Variants in PAK5 observed in about 807,000 individuals in gnomAD.
PAK5 encodes p21 (RAC1) activated kinase 5, also known as serine/threonine-protein kinase PAK 5.
Under a neutral mutation model 65.9 loss-of-function variants are expected in PAK5, and 16 were observed. The observed-to-expected ratio is 0.24, with a 90% confidence interval of 0.16 to 0.37. The LOEUF (loss-of-function observed/expected upper bound fraction) is 0.37, where lower values mean the gene tolerates loss of function less well. PAK5 is among the 10% of genes least tolerant of loss of function. The probability of loss-of-function intolerance (pLI) is 1.00; values close to 1 mark genes in which losing one functional copy is unlikely to be tolerated. For synonymous variants in PAK5, 371 were observed against 354.9 expected, an observed-to-expected ratio of 1.05 and a Z score of -0.51; for missense variants, 785 against 903.9, an observed-to-expected ratio of 0.87 and a Z score of 1.69.
intron 3 of PAK5, among the ~76,000 whole-genome samples, chr20:9,612,028 A>T (rs913100048): frequency 2.0e-5 from 3 of 152,146 alleles, no homozygotes; most frequent in Non-Finnish European, 4.4e-5. Context: ...CTTTGCAGGC[A>T]AAACAATGTC....
intron 3 of PAK5, among the ~76,000 whole-genome samples, chr20:9,624,032 TC>T (rs1187770611): frequency 6.6e-6 from 1 of 152,172 alleles, no homozygotes; most frequent in Non-Finnish European, 1.5e-5. Context: ...GATCCAACAA[TC>T]CCACTTTAGG....
At chr20:9,778,644 T>C (rs781599159) in intron 1 of PAK5, among the ~76,000 whole-genome samples, 9 of 152,180 alleles carry the variant, frequency 5.9e-5, no homozygotes, top group Non-Finnish European at 1.2e-4. Flanking sequence ...ACCCTCTCCA[T>C]AGTAATTGGA....
At chr20:9,673,334 T>C (rs1353143102) in intron 2 of PAK5, among the ~76,000 whole-genome samples, 1 of 152,152 alleles carries the variant, frequency 6.6e-6, no homozygotes, top group African/African-American at 2.4e-5. Context: ...AAAGCAATAA[T>C]ACTTTTAAAT....
chr20:9,667,401 A>T (rs1005762092), intron 2 of PAK5, among the ~76,000 whole-genome samples: 2 of 100,948 alleles, frequency 2.0e-5, no homozygotes, highest in African/African-American at 9.3e-5. Flanking sequence ...TCCATTCACT[A>T]TCTCCTGGAG....
chr20:9,677,374 G>T (rs2047589248), intron 2 of PAK5, among the ~76,000 whole-genome samples: 1 of 152,150 alleles, frequency 6.6e-6, no homozygotes, highest in Non-Finnish European at 1.5e-5. Context: ...GCTCAGGCTT[G>T]TAGACTCTCA....
rs754435525 is a variant in PAK5 at position 9,665,085 on chromosome 20, G to GTTTTTTTTTTTTTTTTTTTT, written c.-11-20747_-11-20746insAAAAAAAAAAAAAAAAAAAA. Among the ~76,000 whole-genome samples the GTTTTTTTTTTTTTTTTTTTT allele has an allele frequency of 2.1e-3, 208 of 98,876 alleles. 26 individuals carry two copies. The highest frequency in any genetic ancestry group is 7.2e-3 in the Middle Eastern group (1 of 138). The allele number at this position is 98,876 out of a possible 152,430, so 64.9% of individuals were successfully genotyped here. ...CCACCATGCCCAGCTAAATTTTTCT[G>GTTTTTTTTTTTTTTTTTTTT]TTTTTTTTTTTTTTTGTAGTGATGA... is the stretch of plus-strand genomic sequence containing the variant. On this transcript the variant is annotated intron_variant, in intron 2 of 9. Coordinates refer to ENST00000353224, the MANE Select transcript of PAK5 (RefSeq NM_177990.4).
At chr20:9,601,701 A>C (rs1254992442) in intron 3 of PAK5, among the ~76,000 whole-genome samples, 1 of 152,126 alleles carries the variant, frequency 6.6e-6, no homozygotes, top group African/African-American at 2.4e-5. Context: ...TGGCCACTGG[A>C]ATGTTGGTGA....
chr20:9,761,081 A>C (rs1600338802), intron 1 of PAK5, among the ~76,000 whole-genome samples: 1 of 152,208 alleles, frequency 6.6e-6, no homozygotes, highest in Non-Finnish European at 1.5e-5. Context: ...AGAGTAGACA[A>C]ATATGTTTGA....
At chr20:9,579,755 G>A (rs1261315208) in intron 4 of PAK5, among the ~76,000 whole-genome samples, 1 of 152,172 alleles carries the variant, frequency 6.6e-6, no homozygotes, top group East Asian at 1.9e-4. Flanking sequence ...TTGCCAGGAT[G>A]TAGGAACCAC....
intron 3 of PAK5, among the ~76,000 whole-genome samples, chr20:9,643,797 T>C (rs2047098571): frequency 6.6e-6 from 1 of 152,180 alleles, no homozygotes; most frequent in African/African-American, 2.4e-5. Flanking sequence ...CTATTGCTAA[T>C]ATTAACCAGA....
intron 1 of PAK5, among the ~76,000 whole-genome samples, chr20:9,755,493 G>A (rs979721475): frequency 1.3e-5 from 2 of 152,148 alleles, no homozygotes; most frequent in Non-Finnish European, 2.9e-5. Context: ...CTGCCCTGCT[G>A]GCAGCTAGTT....
In PAK5 at chr20:9,537,458, T is replaced by C; in HGVS notation, c.*2004A>G. 4.8e-6 allele frequency: 1 copy of C among 209,866 alleles called. No individual in the cohort carries two copies. Among genetic ancestry groups the C allele is most frequent in the Non-Finnish European group, 9.7e-6 (1 of 102,948 alleles). 13.0% of individuals were successfully genotyped at this position (209,866 alleles called of 1,614,324 possible). On this transcript the variant is annotated 3_prime_UTR_variant, in exon 10 of 10. Transcript: ENST00000353224. The stretch of plus-strand genomic sequence containing the variant: ...AATAGTTAGTGCTCACAAAACCTTT[T>C]AAGCTACAGTAACTTTTGGTAAACT...
chr20:9,822,258 C>T (rs1034595327), intron 1 of PAK5, among the ~76,000 whole-genome samples: 2 of 144,704 alleles, frequency 1.4e-5, no homozygotes, highest in Non-Finnish European at 3.0e-5. Flanking sequence ...CACTGCACTC[C>T]AGCCTGGGTA....
At chr20:9,664,051 A>G (rs548774487) in intron 2 of PAK5, among the ~76,000 whole-genome samples, 7 of 152,204 alleles carry the variant, frequency 4.6e-5, no homozygotes, top group Non-Finnish European at 8.8e-5. Flanking sequence ...GAATAAGTGC[A>G]TATTTTACCT....
intron 7 of PAK5, among the ~76,000 whole-genome samples, chr20:9,549,070 G>T (rs190344121): frequency 2.8e-4 from 43 of 152,216 alleles, no homozygotes; most frequent in African/African-American, 9.2e-4. Flanking sequence ...GTGATACGTG[G>T]TCCATAATCC....
intron 1 of PAK5, among the ~76,000 whole-genome samples, chr20:9,713,351 G>GA (rs144654041): frequency 6.7e-5 from 10 of 150,106 alleles, no homozygotes; most frequent in Admixed American, 2.0e-4. Flanking sequence ...TTATCAAAAA[G>GA]AAAAAAAAAT....
intron 3 of PAK5, among the ~76,000 whole-genome samples, chr20:9,614,177 C>A (rs140801818): frequency 6.6e-6 from 1 of 152,044 alleles, no homozygotes; most frequent in South Asian, 2.1e-4. Flanking sequence ...AAGAGAAATG[C>A]GAGAGATCAA....
At chr20:9,804,416 A>G (rs964414594) in intron 1 of PAK5, among the ~76,000 whole-genome samples, 1 of 152,200 alleles carries the variant, frequency 6.6e-6, no homozygotes, top group South Asian at 2.1e-4. Context: ...AAATTCATAC[A>G]TCTATGGTCA....
chr20:9,670,234 A>G (rs1176014312), intron 2 of PAK5, among the ~76,000 whole-genome samples: 2 of 152,256 alleles, frequency 1.3e-5, no homozygotes, highest in African/African-American at 2.4e-5. Context: ...ATAAACATAC[A>G]TGTGCATGTG....
Sources: allele counts gnomAD v4.1 joint callset (sites outside exome capture counted in the v4.1 genomes callset), GRCh38; gene constraint gnomAD v4.1.1; transcripts MANE v1.5; gene names NCBI Gene and HGNC (gene_info 2026-07-23, HGNC 2026-07-21).